HEMK2: variants seen among roughly 807,000 people sequenced by gnomAD.
HEMK2 encodes the protein methyltransferase HEMK2.
chr21:28,803,394 T>C, the HEMK2 span, among the ~76,000 whole-genome samples: 1 of 152,266 alleles, frequency 6.6e-6, no homozygotes, highest in Admixed American at 6.5e-5. Flanking sequence ...AGTCAGTTTT[T>C]TGAAATAATA....
At chr21:28,819,543 C>CCT in the HEMK2 span, among the ~76,000 whole-genome samples, 1 of 113,946 alleles carries the variant, frequency 8.8e-6, no homozygotes, top group East Asian at 3.7e-4. Context: ...TTTTTCTTTT[C>CCT]CTTTTTTTTT....
the HEMK2 span, among the ~76,000 whole-genome samples, chr21:28,864,816 C>CGATAGATAGAT: frequency 1.7e-5 from 2 of 117,640 alleles, no homozygotes; most frequent in East Asian, 2.6e-4. Flanking sequence ...GAAAGACAGA[C>CGATAGATAGAT]AGACAGATAG....
At chr21:28,648,514 C>T in the HEMK2 span, among the ~76,000 whole-genome samples, 3 of 152,250 alleles carry the variant, frequency 2.0e-5, no homozygotes, top group Admixed American at 6.5e-5. Context: ...CTTGGTGCCT[C>T]TCACAGGAAA....
At chr21:28,856,786 T>C in the HEMK2 span, among the ~76,000 whole-genome samples, 5 of 152,324 alleles carry the variant, frequency 3.3e-5, no homozygotes, top group East Asian at 3.9e-4. Context: ...CTATGCAACC[T>C]GCGTATCAGG....
chr21:28,877,176 AAGAG>A, the HEMK2 span, among the ~76,000 whole-genome samples: 2 of 130,076 alleles, frequency 1.5e-5, no homozygotes, highest in Admixed American at 1.5e-4. Flanking sequence ...GAAAGAAAGA[AAGAG>A]AGGGAGGGAG....
the HEMK2 span, among the ~76,000 whole-genome samples, chr21:28,588,915 A>G: frequency 4.4e-3 from 669 of 150,780 alleles, 5 homozygotes; most frequent in African/African-American, 0.015. Flanking sequence ...CCCAGGAGGC[A>G]GAGCTTGCAG....
chr21:28,622,050 C>A, the HEMK2 span, among the ~76,000 whole-genome samples: 1 of 152,282 alleles, frequency 6.6e-6, no homozygotes, highest in Admixed American at 6.5e-5. Context: ...TCCATCCCTT[C>A]ATTTTGAGCC....
the HEMK2 span, among the ~76,000 whole-genome samples, chr21:28,671,710 T>C: frequency 3.1e-3 from 471 of 152,292 alleles, 7 homozygotes; most frequent in East Asian, 0.038. Context: ...GCCAGGGATA[T>C]CATCATTCCA....
chr21:28,608,034 T>C, the HEMK2 span, among the ~76,000 whole-genome samples: 2 of 152,190 alleles, frequency 1.3e-5, no homozygotes, highest in Admixed American at 6.5e-5. Context: ...GTTGACGATA[T>C]TGAGGAAATC....
At chr21:28,730,885 T>G in the HEMK2 span, among the ~76,000 whole-genome samples, 74,510 of 151,450 alleles carry the variant, frequency 0.49, 20,788 homozygotes, top group East Asian at 0.78. Context: ...GTGTGAATAT[T>G]ATAGGGGCCC....
the HEMK2 span, among the ~76,000 whole-genome samples, chr21:28,670,424 C>T: frequency 1.3e-5 from 2 of 152,142 alleles, no homozygotes; most frequent in Non-Finnish European, 2.9e-5. Flanking sequence ...TCTCCAGAGT[C>T]CATTTTCTTT....
chr21:28,868,083 CAT>C, the HEMK2 span, among the ~76,000 whole-genome samples: 3 of 151,994 alleles, frequency 2.0e-5, no homozygotes, highest in Admixed American at 6.6e-5. Flanking sequence ...TATATATGTA[CAT>C]GTTTCTTTAT....
chr21:28,827,163 T>C, the HEMK2 span, among the ~76,000 whole-genome samples: 4 of 152,312 alleles, frequency 2.6e-5, 1 homozygote, highest in South Asian at 8.3e-4. Context: ...ATGGAACTGC[T>C]TTATAGGTAT....
At chr21:28,606,048 T>C in the HEMK2 span, among the ~76,000 whole-genome samples, 1 of 152,154 alleles carries the variant, frequency 6.6e-6, no homozygotes, top group Non-Finnish European at 1.5e-5. Flanking sequence ...TGTTGCAGGA[T>C]AATAAAAAGA....
chr21:28,831,692 AAGGAAGGAAGGAAG>A, the HEMK2 span, among the ~76,000 whole-genome samples: 2 of 86,056 alleles, frequency 2.3e-5, no homozygotes, highest in East Asian at 3.8e-4. Flanking sequence ...AGAAGGAAGG[AAGGAAGGAAGGAAG>A]GAAGGAAGGA....
At chr21:28,832,105 T>A in the HEMK2 span, among the ~76,000 whole-genome samples, 4 of 152,250 alleles carry the variant, frequency 2.6e-5, no homozygotes, top group Admixed American at 1.3e-4. Context: ...CAGTTTTTCA[T>A]CATAAACCCA....
chr21:28,628,214 A>G, the HEMK2 span, among the ~76,000 whole-genome samples: 3,007 of 152,298 alleles, frequency 0.02, 105 homozygotes, highest in African/African-American at 0.068. Flanking sequence ...TATACAATAC[A>G]TACATTTATA....
the HEMK2 span, among the ~76,000 whole-genome samples, chr21:28,681,937 C>A: frequency 6.6e-6 from 1 of 152,172 alleles, no homozygotes; most frequent in Non-Finnish European, 1.5e-5. Flanking sequence ...AGACCTAAAA[C>A]CATGAAAACC....
At chr21:28,877,357 A>G in the HEMK2 span, among the ~76,000 whole-genome samples, 4 of 150,056 alleles carry the variant, frequency 2.7e-5, no homozygotes, top group Non-Finnish European at 5.9e-5. Flanking sequence ...AAAGAAAAAA[A>G]AGAAAGAAGA....
Sources: gnomAD v4.1 joint callset for allele counts (sites outside exome capture counted in the v4.1 genomes callset) on GRCh38, gnomAD v4.1.1 for gene constraint, MANE v1.5 for transcripts, NCBI Gene and HGNC (gene_info 2026-07-23, HGNC 2026-07-21) for gene names.